The following SKA3 variants were observed in gnomAD, a reference collection of about 807,000 sequenced individuals.
SKA3 encodes the protein spindle and kinetochore associated complex subunit 3.
Under a neutral mutation model 44.2 loss-of-function variants are expected in SKA3, and 39 were observed. The ratio of observed to expected loss-of-function variants is 0.88; its 90% CI spans 0.68 to 1.15. SKA3 has a LOEUF of 1.15. Ranked by LOEUF, SKA3 falls within the 50% of genes most tolerant of loss-of-function variation. The pLI is 0.00. For synonymous variants in SKA3, 192 were observed against 172.0 expected, an observed-to-expected ratio of 1.12 and a Z score of -0.91; for missense variants, 511 against 485.8, an observed-to-expected ratio of 1.05 and a Z score of -0.49.
At chr13:21,165,875 C>T (rs1326607542) in intron 4 of SKA3, among the ~76,000 whole-genome samples, 1 of 151,916 alleles carries the variant, frequency 6.6e-6, no homozygotes, top group African/African-American at 2.4e-5. Flanking sequence ...GCAGAGGTTG[C>T]AGTGAGCTGA....
chr13:21,172,235 C>G (rs1344977515), intron 3 of SKA3, 104 bp downstream of exon 3: 2 of 622,430 alleles, frequency 3.2e-6, no homozygotes, highest in African/African-American at 3.8e-5. Context: ...CAGATAACAA[C>G]AGAGCTAGAA....
chr13:21,175,982 CAT>C (rs748748977), intron 1 of SKA3, among the ~76,000 whole-genome samples: 1 of 152,202 alleles, frequency 6.6e-6, no homozygotes, highest in Non-Finnish European at 1.5e-5. Context: ...GACAAGCACA[CAT>C]ATTGTATGTG....
intron 4 of SKA3, 144 bp downstream of exon 4, chr13:21,167,844 T>C (rs1049680839): frequency 1.5e-5 from 9 of 595,434 alleles, no homozygotes; most frequent in East Asian, 1.4e-4. Context: ...CTAAAACCTA[T>C]TGAAATAAAA....
At chr13:21,157,150 C>T (rs1476744127) in intron 7 of SKA3, among the ~76,000 whole-genome samples, 1 of 152,104 alleles carries the variant, frequency 6.6e-6, no homozygotes, top group African/African-American at 2.4e-5. Context: ...GGGGGACTGT[C>T]AAAGAATCAG....
chr13:21,166,304 T>C (rs890314776), intron 4 of SKA3, among the ~76,000 whole-genome samples: 2 of 152,180 alleles, frequency 1.3e-5, no homozygotes, highest in African/African-American at 4.8e-5. Flanking sequence ...TTTTCTTCTC[T>C]GATTACTGGT....
chr13:21,171,212 TCTCACATG>T (rs1200362697), intron 3 of SKA3, among the ~76,000 whole-genome samples: 7 of 152,140 alleles, frequency 4.6e-5, no homozygotes, highest in Non-Finnish European at 8.8e-5. Flanking sequence ...ACTGTGCCCG[TCTCACATG>T]GACTGTTTAA....
intron 4 of SKA3, 49 bp from the exon 5 acceptor site, chr13:21,161,924 A>G (rs751850273): frequency 3.6e-6 from 5 of 1,389,114 alleles, no homozygotes; most frequent in East Asian, 2.4e-5. Flanking sequence ...TTAACATTCA[A>G]TCTCTGGGAA....
chr13:21,158,337 T>C (rs190734147), intron 6 of SKA3, among the ~76,000 whole-genome samples: 200 of 152,260 alleles, frequency 1.3e-3, no homozygotes, highest in South Asian at 2.9e-3. Context: ...TAAAGCTTAA[T>C]GTCAGCAAGG....
At position 21,168,242 on chromosome 13, in the gene SKA3, A is replaced by G; in HGVS notation, c.489T>C (p.Leu163=). 6.2e-7 allele frequency: 1 copy of G among 1,614,206 alleles called. No homozygotes were observed. Among genetic ancestry groups the G allele is most frequent in the Non-Finnish European group, 8.5e-7 (1 of 1,180,046 alleles). The change falls in exon 4 of 9, where the codon CTT becomes CTC. Residue 163 remains leucine (L), a synonymous_variant. Transcript: ENST00000314759. ...PRSPQLSDFG[L]ERYIVSQVLP... is the part of the protein sequence containing the mutation. ...GAACTTGGGATACGATGTACCGCTC[A>G]AGTCCAAAATCTGAAAGTTGTGGAC... is the stretch of plus-strand genomic sequence containing the variant.
At chr13:21,171,748 G>C (rs962993689) in intron 3 of SKA3, among the ~76,000 whole-genome samples, 7 of 152,054 alleles carry the variant, frequency 4.6e-5, no homozygotes, top group African/African-American at 1.7e-4. Context: ...CTTTACAAAT[G>C]AGAAACTGAG....
rs147970353 is a variant in SKA3 at position 21,163,790 on chromosome 13, G to A, written c.744-1915C>T. Among the ~76,000 whole-genome samples, 738 of 152,292 alleles carry A rather than the reference G, an allele frequency of 4.8e-3. 4 individuals carry two copies. Among genetic ancestry groups the A allele is most frequent in the African/African-American group, 0.017 (691 of 41,570 alleles). The stretch of plus-strand genomic sequence containing the variant: ...TGGGGTTTTTTTGTTTTGAGATGGA[G>A]TCTCATTGTGTCACCTAAGCTGGAG... On this transcript the variant is annotated intron_variant, in intron 4 of 8. Transcript: ENST00000314759.
In SKA3 at chr13:21,176,415, C is replaced by G. The variant is rs775500349; in HGVS notation, c.63G>C (p.Glu21Asp). ...CCAGCGCTCGCTGCAGCCGGGCCGT[C>G]TCGCAGTCCAGCGTGCTGGCCAGAG... ...LRSLASTLDC[E>D]TARLQRALDG... The change falls in exon 1 of 9, where the codon GAG becomes GAC. Residue 21 changes from glutamate (E) to aspartate (D), a missense_variant. By Grantham distance (45) the Glu-to-Asp change is conservative (BLOSUM62 2). Transcript: ENST00000314759. 2 of 1,585,108 alleles carry G rather than the reference C, an allele frequency of 1.3e-6. No homozygotes were observed. The highest frequency in any genetic ancestry group is 3.6e-5 in the Admixed American group (2 of 55,686).
intron 1 of SKA3, 118 bp from the exon 2 acceptor site, chr13:21,172,799 T>C (rs1303712113): frequency 1.7e-6 from 1 of 594,576 alleles, no homozygotes; most frequent in Non-Finnish European, 2.9e-6. Flanking sequence ...AGATCACATA[T>C]GACAGTGGTA....
chr13:21,176,470 G>A lies in SKA3; in HGVS notation c.8C>T (p.Pro3Leu), dbSNP rs1281446078. MDPIRSFCGKLRS... is the reference protein window; with the variant it reads MDLIRSFCGKLRS... Reference sequence around the variant, plus strand: ...CAGCTTCCCGCAGAAGCTCCGGATAGGGTCCATGCTGAGCACAGCGGGGAA... The same window carrying A: ...CAGCTTCCCGCAGAAGCTCCGGATAAGGTCCATGCTGAGCACAGCGGGGAA... The change falls in exon 1 of 9, where the codon CCT (proline) becomes CTT (leucine). Residue 3 changes from proline to leucine, a missense_variant. Pro to Leu is a moderately conservative substitution (Grantham distance 98). Coordinates refer to ENST00000314759, the MANE Select transcript of SKA3 (RefSeq NM_145061.6). 2 of 1,561,492 alleles carry A rather than the reference G, an allele frequency of 1.3e-6. No homozygotes were observed. Among genetic ancestry groups the A allele is most frequent in the South Asian group, 1.2e-5 (1 of 85,372 alleles).
chr13:21,158,491 G>A (rs941892437), intron 6 of SKA3, among the ~76,000 whole-genome samples: 1 of 152,006 alleles, frequency 6.6e-6, no homozygotes, highest in Non-Finnish European at 1.5e-5. Flanking sequence ...GTGTGGTGGC[G>A]CCTGCCTGTA....
intron 5 of SKA3, among the ~76,000 whole-genome samples, chr13:21,160,340 G>A (rs1870370605): frequency 6.6e-6 from 1 of 151,818 alleles, no homozygotes; most frequent in Non-Finnish European, 1.5e-5. Flanking sequence ...TTCCAAGATG[G>A]CAGGACTTAC....
At chr13:21,161,699 C>T (rs553077705) in intron 5 of SKA3, 91 bp downstream of exon 5, 56 of 672,806 alleles carry the variant, frequency 8.3e-5, no homozygotes, top group Non-Finnish European at 1.1e-4. Context: ...ATGAAGAAAA[C>T]TATTAGAATG....
chr13:21,173,477 G>T (rs1374535116), intron 1 of SKA3, among the ~76,000 whole-genome samples: 1 of 152,126 alleles, frequency 6.6e-6, no homozygotes, highest in African/African-American at 2.4e-5. Flanking sequence ...GGCTGGTCTT[G>T]AACTCCTGAC....
At chr13:21,165,424 A>AAAATAAAT (rs377617132) in intron 4 of SKA3, among the ~76,000 whole-genome samples, 60 of 151,492 alleles carry the variant, frequency 4.0e-4, no homozygotes, top group African/African-American at 1.3e-3. Flanking sequence ...CCTGTCTCTA[A>AAAATAAAT]AAATAAATAA....
Sources: allele counts gnomAD v4.1 joint callset (sites outside exome capture counted in the v4.1 genomes callset), GRCh38; gene constraint gnomAD v4.1.1; transcripts MANE v1.5; gene names NCBI Gene and HGNC (gene_info 2026-07-23, HGNC 2026-07-21).